TYW1: variants seen among roughly 807,000 people sequenced by gnomAD.
TYW1 encodes tRNA-yW synthesizing protein 1 homolog, also known as S-adenosyl-L-methionine-dependent tRNA 4-demethylwyosine synthase TYW1.
TYW1 carries 46 observed loss-of-function variants against 96.2 expected under a neutral mutation model. The ratio of observed to expected loss-of-function variants is 0.48; its 90% CI spans 0.38 to 0.61. TYW1 has a LOEUF of 0.61. Ranked by LOEUF, TYW1 falls within the 20% of genes least tolerant of loss-of-function variation. TYW1 has a pLI of 0.00. For missense variants in TYW1, 684 were observed against 909.6 expected, an observed-to-expected ratio of 0.75 and a Z score of 3.19; for synonymous variants, 274 against 323.0, an observed-to-expected ratio of 0.85 and a Z score of 1.63.
chr7:67,172,222 T>A (rs1799537106), intron 13 of TYW1, among the ~76,000 whole-genome samples: 1 of 151,902 alleles, frequency 6.6e-6, no homozygotes, highest in Admixed American at 6.6e-5. Flanking sequence ...GTATTTATTT[T>A]TTTATTATTG....
In TYW1 at chr7:66,997,926, G is replaced by T. The variant is rs192510151; in HGVS notation, c.5-139G>T. ...TTACAGGCATGAGCCATCGTGCCCG[G>T]CCAACAGTTGATTTTTAAATTAGAT... On this transcript the variant is annotated intron_variant, in intron 1 of 15. Transcript: ENST00000359626. 1.2e-4 allele frequency: 147 copies of T among 1,197,082 alleles called. No individual in the cohort carries two copies. The African/African-American group carries it at 2.0e-3, about 17-fold the overall frequency. 74.2% of individuals were successfully genotyped at this position (1,197,082 alleles called of 1,614,324 possible).
At chr7:67,076,775 C>CTTTT (rs543408648) in intron 10 of TYW1, among the ~76,000 whole-genome samples, 3 of 123,598 alleles carry the variant, frequency 2.4e-5, no homozygotes, top group Admixed American at 8.6e-5. Flanking sequence ...TGCACTCAGC[C>CTTTT]TTTTTTTTTT....
At chr7:67,102,819 T>A (rs35535264) in intron 12 of TYW1, among the ~76,000 whole-genome samples, 7 of 151,874 alleles carry the variant, frequency 4.6e-5, no homozygotes, top group Non-Finnish European at 7.4e-5. Flanking sequence ...ACCCAGCTAA[T>A]TTTTTGTATT....
In TYW1 at chr7:67,239,331, G is replaced by C; in HGVS notation, c.*802G>C. The C allele has an allele frequency of 6.1e-6, 6 of 985,436 alleles. No individual in the cohort carries two copies. The highest frequency in any genetic ancestry group is 6.0e-6 in the Non-Finnish European group (5 of 829,946). 61.0% of individuals were successfully genotyped at this position (985,436 alleles called of 1,614,324 possible). A position where few individuals can be genotyped will look rare whatever the true frequency, so the allele number is the denominator to read the frequency against. The stretch of plus-strand genomic sequence containing the variant: ...GTCCAGGCCTCTCATATCATGACCA[G>C]ACGGCGGGTCTCCATCTTCTTTCAC... On this transcript the variant is annotated 3_prime_UTR_variant, in exon 16 of 16. Coordinates refer to ENST00000359626, the MANE Select transcript of TYW1 (RefSeq NM_018264.4).
At chr7:67,044,267 T>A (rs1043681883) in intron 7 of TYW1, among the ~76,000 whole-genome samples, 1 of 151,860 alleles carries the variant, frequency 6.6e-6, no homozygotes, top group African/African-American at 2.4e-5. Flanking sequence ...CCTGGCTAAT[T>A]TTTGTATTTT....
chr7:67,168,504 A>C (rs1306155976), intron 13 of TYW1, among the ~76,000 whole-genome samples: 1 of 152,154 alleles, frequency 6.6e-6, no homozygotes, highest in Non-Finnish European at 1.5e-5. Flanking sequence ...AAATAATTAT[A>C]GGACCATTTA....
chr7:67,140,774 A>C (rs777743764), intron 13 of TYW1, among the ~76,000 whole-genome samples: 2 of 152,224 alleles, frequency 1.3e-5, no homozygotes, highest in Non-Finnish European at 2.9e-5. Flanking sequence ...ACATACATTC[A>C]TGTGAAGAAA....
intron 15 of TYW1, among the ~76,000 whole-genome samples, chr7:67,214,110 C>G (rs1467944156): frequency 6.6e-6 from 1 of 152,150 alleles, no homozygotes; most frequent in Non-Finnish European, 1.5e-5. Context: ...GAAAAACTGA[C>G]AGCTATATTG....
intron 12 of TYW1, among the ~76,000 whole-genome samples, chr7:67,113,782 C>T (rs1797504431): frequency 2.0e-5 from 3 of 151,852 alleles, no homozygotes; most frequent in African/African-American, 2.4e-5. Flanking sequence ...GGATTACAGG[C>T]GTGCGCCACC....
chr7:67,186,095 GA>G (rs749476018), intron 14 of TYW1, among the ~76,000 whole-genome samples: 61 of 144,300 alleles, frequency 4.2e-4, no homozygotes, highest in Non-Finnish European at 8.0e-4. Context: ...AACTGCAGCT[GA>G]AAATATATGT....
In TYW1 at chr7:66,999,186, G is replaced by C. The variant is rs139194073; in HGVS notation, c.273+232G>C. ...GCTGATTGGTGGTGTCTGATGGTCA[G>C]TGTCTTGAGGGGGCCTTTGTTCTGA... On this transcript the variant is annotated intron_variant, in intron 3 of 15. Coordinates refer to ENST00000359626, the MANE Select transcript of TYW1 (RefSeq NM_018264.4). 4.5e-3 allele frequency among the ~76,000 whole-genome samples: 683 copies of C among 152,292 alleles called. 4 individuals carry two copies. The highest frequency in any genetic ancestry group is 0.015 in the African/African-American group (634 of 41,552).
intron 13 of TYW1, among the ~76,000 whole-genome samples, chr7:67,177,141 A>G (rs1028348269): frequency 3.3e-5 from 5 of 152,230 alleles, no homozygotes; most frequent in Admixed American, 2.6e-4. Flanking sequence ...CAATGATTCT[A>G]TCATATTTAT....
intron 15 of TYW1, among the ~76,000 whole-genome samples, chr7:67,211,655 C>G (rs1196272461): frequency 6.6e-6 from 1 of 152,204 alleles, no homozygotes; most frequent in African/African-American, 2.4e-5. Context: ...ATGGGTCATT[C>G]TAGCCTCCTC....
At chr7:67,096,016 A>G (rs1796899893) in intron 11 of TYW1, among the ~76,000 whole-genome samples, 1 of 152,218 alleles carries the variant, frequency 6.6e-6, no homozygotes, top group African/African-American at 2.4e-5. Flanking sequence ...TAAGGCCTTT[A>G]CATGCATTAT....
At chr7:67,203,441 C>T (rs1168944730) in intron 15 of TYW1, among the ~76,000 whole-genome samples, 3 of 152,120 alleles carry the variant, frequency 2.0e-5, no homozygotes, top group Non-Finnish European at 2.9e-5. Context: ...TGCGTCTCTT[C>T]GTATAGACTT....
intron 14 of TYW1, among the ~76,000 whole-genome samples, chr7:67,189,047 C>G (rs546373615): frequency 6.6e-6 from 1 of 152,224 alleles, no homozygotes; most frequent in Admixed American, 6.5e-5. Context: ...CATTCAACTT[C>G]TTTTTCTCAT....
intron 11 of TYW1, among the ~76,000 whole-genome samples, chr7:67,091,006 C>T (rs1410024008): frequency 3.9e-5 from 6 of 152,046 alleles, no homozygotes; most frequent in East Asian, 1.9e-4. Flanking sequence ...GACAGTGTGG[C>T]GATTCCTCAA....
At chr7:67,053,434 C>T (rs371229416) in intron 8 of TYW1, among the ~76,000 whole-genome samples, 1 of 148,354 alleles carries the variant, frequency 6.7e-6, no homozygotes, top group East Asian at 2.0e-4. Context: ...GTCTGGGGTG[C>T]AGTGGTGTGA....
intron 13 of TYW1, among the ~76,000 whole-genome samples, chr7:67,145,428 C>T (rs547545254): frequency 3.9e-5 from 6 of 152,228 alleles, no homozygotes; most frequent in Non-Finnish European, 7.4e-5. Flanking sequence ...GGATTACAGG[C>T]GTGAGCCACC....
Sources: gnomAD v4.1 joint callset for allele counts (sites outside exome capture counted in the v4.1 genomes callset) on GRCh38, gnomAD v4.1.1 for gene constraint, MANE v1.5 for transcripts, NCBI Gene and HGNC (gene_info 2026-07-23, HGNC 2026-07-21) for gene names.